The following JAKMIP2 variants were observed in gnomAD, a reference collection of about 807,000 sequenced individuals.
JAKMIP2 encodes the protein janus kinase and microtubule interacting protein 2, also known as janus kinase and microtubule-interacting protein 2.
In JAKMIP2, 25 loss-of-function variants were observed where a neutral mutation model predicts 115.0. That is an observed-to-expected ratio of 0.22 (90% CI 0.16 to 0.30). JAKMIP2 has a LOEUF of 0.30. Ranked by LOEUF, JAKMIP2 falls within the 10% of genes least tolerant of loss-of-function variation. JAKMIP2 has a pLI of 1.00. For missense variants in JAKMIP2, 642 were observed against 957.6 expected (o/e 0.67, Z 4.35); for synonymous variants, 334 against 343.6 (o/e 0.97, Z 0.31).
In JAKMIP2 at chr5:147,661,105, G is replaced by C; in HGVS notation, c.470C>G (p.Ala157Gly). ...TERLKLLQEIADLKTAKKQVD... is the reference protein window; with the variant it reads ...TERLKLLQEIGDLKTAKKQVD... ...CTGCTTCTTGGCCGTTTTCAGGTCC[G>C]CAATTTCCTGTAAGAGCTTAAGGCG... The change falls in exon 3 of 22, where the codon GCG (alanine) becomes GGG (glycine). Residue 157 changes from alanine (A) to glycine (G), a missense_variant. Physicochemically the swap from Ala to Gly is moderately conservative, Grantham distance 60. This residue lies in a region of JAKMIP2 where 439 missense variants were observed against 570.9 expected (regional missense o/e 0.77). Coordinates refer to ENST00000616793, the MANE Select transcript of JAKMIP2 (RefSeq NM_001270941.2). The C allele has an allele frequency of 6.2e-7, 1 of 1,613,924 alleles. No homozygotes were observed. The highest frequency in any genetic ancestry group is 8.5e-7 in the Non-Finnish European group (1 of 1,180,016).
At chr5:147,634,764 G>A (rs931767834) in intron 12 of JAKMIP2, among the ~76,000 whole-genome samples, 4 of 152,164 alleles carry the variant, frequency 2.6e-5, no homozygotes, top group Non-Finnish European at 5.9e-5. Flanking sequence ...CTCACAGCAT[G>A]CAAAGCATGA....
At chr5:147,622,911 A>G (rs1422274752) in intron 17 of JAKMIP2, among the ~76,000 whole-genome samples, 1 of 152,092 alleles carries the variant, frequency 6.6e-6, no homozygotes, top group African/African-American at 2.4e-5. Context: ...ATCTTTGCCA[A>G]CACTTGTTTT....
chr5:147,634,008 G>A (rs562804464), intron 12 of JAKMIP2, among the ~76,000 whole-genome samples: 1 of 152,240 alleles, frequency 6.6e-6, no homozygotes, highest in East Asian at 1.9e-4. Context: ...TGGCTTTTAA[G>A]GGATCAGAAA....
chr5:147,646,710 A>C (rs1758148413), intron 5 of JAKMIP2, among the ~76,000 whole-genome samples: 2 of 151,798 alleles, frequency 1.3e-5, no homozygotes, highest in South Asian at 4.2e-4. Context: ...TATGCACACT[A>C]ACACTAAAAC....
At chr5:147,691,962 G>T (rs73270192) in intron 1 of JAKMIP2, among the ~76,000 whole-genome samples, 10,732 of 151,924 alleles carry the variant, frequency 0.071, 711 homozygotes, top group East Asian at 0.32. Context: ...CATTCCCTTT[G>T]CAAAGTCCTG....
rs148148299 is a variant in JAKMIP2 at position 147,633,045 on chromosome 5, T to C, written c.1678-267A>G. Among the ~76,000 whole-genome samples the C allele has an allele frequency of 2.0e-5, 3 of 152,324 alleles. No individual in the cohort carries two copies. The East Asian group carries it at 5.8e-4, about 29-fold the overall frequency. ...CTAGGAATTCTGTGAATAGTGAATC[T>C]GAGAATACTCACTTTGCCCTTGTGA... On this transcript the variant is annotated intron_variant, in intron 12 of 21. Coordinates refer to ENST00000616793, the MANE Select transcript of JAKMIP2 (RefSeq NM_001270941.2).
rs1256564302 is a variant in JAKMIP2 at position 147,588,215 on chromosome 5, G to A, written c.*3492C>T. On this transcript the variant is annotated 3_prime_UTR_variant, in exon 22 of 22. Coordinates refer to ENST00000616793, the MANE Select transcript of JAKMIP2 (RefSeq NM_001270941.2). ...TATCCTGAATAACTATTTAAATTGG[G>A]TCTTTTATTTATCTCAAATTATCTT... 1 of 151,852 alleles carries A rather than the reference G, an allele frequency of 6.6e-6. No homozygotes were observed. The highest frequency in any genetic ancestry group is 1.5e-5 in the Non-Finnish European group (1 of 67,968). The allele number at this position is 151,852 out of a possible 1,614,324, so 9.4% of individuals were successfully genotyped here.
At chr5:147,594,464 A>G (rs1313953541) in intron 21 of JAKMIP2, 6 of 454,868 alleles carry the variant, frequency 1.3e-5, no homozygotes, top group African/African-American at 1.2e-4. Flanking sequence ...CCTCCCAAGT[A>G]GCTGGTACTA....
At chr5:147,648,689 C>T (rs1457672757) in intron 4 of JAKMIP2, among the ~76,000 whole-genome samples, 1 of 152,186 alleles carries the variant, frequency 6.6e-6, no homozygotes, top group Non-Finnish European at 1.5e-5. Flanking sequence ...GTTGTAATTG[C>T]AAATGAATTC....
chr5:147,658,845 A>G (rs1480425791), intron 3 of JAKMIP2, among the ~76,000 whole-genome samples: 1 of 152,116 alleles, frequency 6.6e-6, no homozygotes, highest in Admixed American at 6.5e-5. Context: ...AAAACCACCA[A>G]CTAAAGCCAC....
intron 1 of JAKMIP2, among the ~76,000 whole-genome samples, chr5:147,768,281 G>A (rs1308834847): frequency 6.6e-6 from 1 of 151,982 alleles, no homozygotes; most frequent in African/African-American, 2.4e-5. Flanking sequence ...CGTGCTTTTA[G>A]GATTAAGTTT....
chr5:147,691,146 T>C (rs758535361), intron 1 of JAKMIP2, among the ~76,000 whole-genome samples: 27 of 152,210 alleles, frequency 1.8e-4, no homozygotes, highest in Non-Finnish European at 2.4e-4. Flanking sequence ...AAAAGTGGGA[T>C]AGGAGACACA....
intron 4 of JAKMIP2, among the ~76,000 whole-genome samples, chr5:147,648,869 G>T (rs181807240): frequency 6.6e-6 from 1 of 152,180 alleles, no homozygotes. Context: ...AGCTTAGACA[G>T]CTGTCCTGGT....
intron 16 of JAKMIP2, among the ~76,000 whole-genome samples, chr5:147,628,098 T>G (rs973704370): frequency 1.3e-5 from 2 of 152,026 alleles, no homozygotes; most frequent in African/African-American, 4.8e-5. Flanking sequence ...CATAGTACAC[T>G]ATAGCCCCAA....
intron 1 of JAKMIP2, among the ~76,000 whole-genome samples, chr5:147,689,431 C>G (rs549040771): frequency 6.6e-6 from 1 of 152,098 alleles, no homozygotes; most frequent in Non-Finnish European, 1.5e-5. Flanking sequence ...TGGAATTAAG[C>G]GGACTGGTTT....
chr5:147,657,283 C>CAAAAA (rs1318078985), intron 3 of JAKMIP2, among the ~76,000 whole-genome samples: 1 of 152,008 alleles, frequency 6.6e-6, no homozygotes. Context: ...CCGTCTCAAA[C>CAAAAA]AAAACAAAAC....
rs750379299 is a variant in JAKMIP2 at position 147,661,060 on chromosome 5, T to C, written c.515A>G (p.Asn172Ser). ...AKKQVDEALS[N>S]MIQADKIKAG... ...CTTGATTTTATCTGCTTGGATCATA[T>C]TGCTCAGAGCCTCGTCCACCTGCTT... The change falls in exon 3 of 22, where the codon AAT becomes AGT. Residue 172 changes from asparagine (N) to serine (S), a missense_variant. Physicochemically the swap from Asn to Ser is conservative, Grantham distance 46. Coordinates refer to ENST00000616793, the MANE Select transcript of JAKMIP2 (RefSeq NM_001270941.2). The C allele has an allele frequency of 1.9e-6, 3 of 1,614,082 alleles. No homozygotes were observed. The South Asian group carries it at 3.3e-5, about 18-fold the overall frequency.
intron 2 of JAKMIP2, among the ~76,000 whole-genome samples, chr5:147,669,306 A>G (rs1440049973): frequency 6.6e-6 from 1 of 152,152 alleles, no homozygotes; most frequent in Admixed American, 6.5e-5. Flanking sequence ...ACTGCCAAGG[A>G]GAGGGAGCCA....
In JAKMIP2 at chr5:147,671,771, G is replaced by C; in HGVS notation, c.36C>G (p.Pro12=). The C allele has an allele frequency of 6.3e-7, 1 of 1,590,944 alleles. No homozygotes were observed. The highest frequency in any genetic ancestry group is 8.6e-7 in the Non-Finnish European group (1 of 1,168,042). ...SKKGRNKGEK[P]EALIVALQAA... Reference sequence around the variant, plus strand: ...CTTGAAGGGCAACAATGAGTGCCTCGGGCTTCTCGCCCTTATTTCGCCCTT... The same window carrying C: ...CTTGAAGGGCAACAATGAGTGCCTCCGGCTTCTCGCCCTTATTTCGCCCTT... Residue 12 remains proline (P), a synonymous_variant, in exon 2 of 22, where the codon CCC becomes CCG. Coordinates refer to ENST00000616793, the MANE Select transcript of JAKMIP2 (RefSeq NM_001270941.2).
Sources: allele counts gnomAD v4.1 joint callset (sites outside exome capture counted in the v4.1 genomes callset), GRCh38; gene constraint gnomAD v4.1.1; regional missense constraint gnomAD v4.1.1; transcripts MANE v1.5; gene names NCBI Gene and HGNC (gene_info 2026-07-23, HGNC 2026-07-21).